The following WHRN variants were observed in gnomAD, a reference collection of about 807,000 sequenced individuals.
WHRN encodes CASK-interacting protein CIP98.
A neutral mutation model predicts 68.3 loss-of-function variants in WHRN; 41 were observed. The observed-to-expected ratio is 0.60, with a 90% confidence interval of 0.47 to 0.78. The LOEUF (loss-of-function observed/expected upper bound fraction) is 0.78, where lower values mean the gene tolerates loss of function less well. Ranked by LOEUF, WHRN falls within the 30% of genes least tolerant of loss-of-function variation. The probability of loss-of-function intolerance (pLI) is 0.00; values close to 1 mark genes in which losing one functional copy is unlikely to be tolerated. For missense variants in WHRN, 1,243 were observed against 1,244.7 expected (o/e 1.00, Z 0.02); for synonymous variants, 560 against 561.3 (o/e 1.00, Z 0.03).
At chr9:114,455,727 A>G (rs1368905956) in intron 3 of WHRN, among the ~76,000 whole-genome samples, 2 of 151,982 alleles carry the variant, frequency 1.3e-5, no homozygotes, top group Non-Finnish European at 2.9e-5. Flanking sequence ...AAAAAAAAAA[A>G]AAAAGAAAAT....
At position 114,499,022 on chromosome 9, in the gene WHRN, C is replaced by T. The variant is rs7027635; in HGVS notation, c.618+5162G>A. Among the ~76,000 whole-genome samples the T allele has an allele frequency of 6.5e-3, 990 of 152,278 alleles. 11 individuals are homozygous for T. Among genetic ancestry groups the T allele is most frequent in the African/African-American group, 0.022 (921 of 41,538 alleles). ...TGACAATGATGTGTCAATGTAGGTT[C>T]ATCAATTGTTGATAATGGGGGCGGC... On this transcript the variant is annotated intron_variant, in intron 1 of 11. Coordinates refer to ENST00000362057, the MANE Select transcript of WHRN (RefSeq NM_015404.4).
intron 2 of WHRN, among the ~76,000 whole-genome samples, chr9:114,468,671 T>TAGTAAGG (rs1162830925): frequency 6.6e-6 from 1 of 151,832 alleles, no homozygotes; most frequent in Non-Finnish European, 1.5e-5. Context: ...ATGACCACAT[T>TAGTAAGG]AGTAAGGAGG....
chr9:114,499,578 T>C (rs978618753), intron 1 of WHRN, among the ~76,000 whole-genome samples: 1 of 152,192 alleles, frequency 6.6e-6, no homozygotes, highest in African/African-American at 2.4e-5. Flanking sequence ...TAATCCCCTA[T>C]GGACGCCTGC....
intron 3 of WHRN, among the ~76,000 whole-genome samples, chr9:114,432,415 G>C (rs1193931093): frequency 6.6e-6 from 1 of 152,232 alleles, no homozygotes; most frequent in African/African-American, 2.4e-5. Context: ...CAAGAGACCT[G>C]AGGAAAATAA....
intron 3 of WHRN, among the ~76,000 whole-genome samples, chr9:114,435,801 AG>A (rs1328992865): frequency 2.6e-5 from 4 of 152,262 alleles, no homozygotes; most frequent in Non-Finnish European, 4.4e-5. Flanking sequence ...CCTCATTTAT[AG>A]TAGCAACAGA....
chr9:114,409,850 C>A (rs1483783899), intron 7 of WHRN, among the ~76,000 whole-genome samples: 1 of 151,954 alleles, frequency 6.6e-6, no homozygotes, highest in African/African-American at 2.4e-5. Context: ...CTTTATTTTT[C>A]TCCTTCTCAT....
chr9:114,494,425 A>G (rs1221903177), intron 1 of WHRN, among the ~76,000 whole-genome samples: 3 of 152,248 alleles, frequency 2.0e-5, no homozygotes, highest in East Asian at 3.8e-4. Flanking sequence ...AGAGAAGGTA[A>G]GTAACTTGTC....
At position 114,426,362 on chromosome 9, in the gene WHRN, G is replaced by C. The variant is rs746526842; in HGVS notation, c.1015C>G (p.His339Asp). The C allele has an allele frequency of 6.2e-7, 1 of 1,614,124 alleles. No homozygotes were observed. The highest frequency in any genetic ancestry group is 1.3e-5 in the African/African-American group (1 of 75,056). The change falls in exon 4 of 12, where the codon CAC (histidine) becomes GAC (aspartate). Residue 339 changes from histidine (H) to aspartate (D), a missense_variant. Coordinates refer to ENST00000362057, the MANE Select transcript of WHRN (RefSeq NM_015404.4). ...TTAAGCAGCCTGACAGCCTCGTCGT[G>C]TAGGATGTTGAGAAAGCTCCGCCCA... ...VNGRSFLNIL[H>D]DEAVRLLKSS... is the part of the protein sequence containing the mutation.
chr9:114,450,553 C>T (rs1839230523), intron 3 of WHRN, among the ~76,000 whole-genome samples: 1 of 152,122 alleles, frequency 6.6e-6, no homozygotes, highest in South Asian at 2.1e-4. Flanking sequence ...GGTTACCTTA[C>T]AAGGTTATAC....
chr9:114,402,460 G>A lies in WHRN; in HGVS notation c.*294C>T. 1 of 460,448 alleles carries A rather than the reference G, an allele frequency of 2.2e-6. No homozygotes were observed. The highest frequency in any genetic ancestry group is 4.3e-5 in the East Asian group (1 of 23,498). The allele number at this position is 460,448 out of a possible 1,614,324, so 28.5% of individuals were successfully genotyped here. On this transcript the variant is annotated 3_prime_UTR_variant, in exon 12 of 12. Transcript: ENST00000362057. ...ACAGCAGTGCCCCCAACCCAACCTG[G>A]AGAAACCAGCACTCTGCCCTTCCTT...
rs2274158 is a variant in WHRN at position 114,403,926 on chromosome 9, G to C, written c.2388C>G (p.Asn796Lys). 2.5e-6 allele frequency: 4 copies of C among 1,610,738 alleles called. No homozygotes were observed. The South Asian group carries it at 4.4e-5, about 18-fold the overall frequency. ...KSRSSKELPRNERPTDGANKP... is the reference protein window; with the variant it reads ...KSRSSKELPRKERPTDGANKP... ...TGTTGGCCCCATCTGTGGGCCTCTC[G>C]TTCCGAGGCAGCTCCTTGCTACTCC... is the stretch of plus-strand genomic sequence containing the variant. Residue 796 changes from asparagine (N) to lysine (K), a missense_variant, in exon 10 of 12, where the codon AAC (asparagine) becomes AAG (lysine). Asn to Lys is a moderately conservative substitution (Grantham distance 94). Transcript: ENST00000362057.
At chr9:114,403,165 A>G in intron 11 of WHRN, 52 bp downstream of exon 11, 1 of 1,611,512 alleles carries the variant, frequency 6.2e-7, no homozygotes, top group Non-Finnish European at 8.5e-7. Context: ...ATGCTGAGAA[A>G]GGGCCTTTCA....
chr9:114,432,582 G>A (rs1837517902), intron 3 of WHRN, among the ~76,000 whole-genome samples: 1 of 152,180 alleles, frequency 6.6e-6, no homozygotes, highest in Non-Finnish European at 1.5e-5. Flanking sequence ...CTTGCTGTAT[G>A]ACCTTGGGTA....
chr9:114,426,799 C>G (rs1836911113), intron 3 of WHRN, among the ~76,000 whole-genome samples: 4 of 152,240 alleles, frequency 2.6e-5, no homozygotes, highest in Admixed American at 1.3e-4. Context: ...TCCTCCTACA[C>G]TTGTACTTTG....
intron 4 of WHRN, chr9:114,425,614 CACACACACACACACACAG>C (rs1432091448): frequency 4.1e-6 from 1 of 245,974 alleles, no homozygotes; most frequent in Non-Finnish European, 7.9e-6. Context: ...CACACACACA[CACACACACACACACACAG>C]AGAGACACAG....
At chr9:114,492,992 G>A (rs772736693) in intron 1 of WHRN, among the ~76,000 whole-genome samples, 17 of 152,122 alleles carry the variant, frequency 1.1e-4, no homozygotes, top group East Asian at 5.8e-4. Flanking sequence ...ACTCCAGCCC[G>A]GGTGACTGAG....
chr9:114,402,833 C>T lies in WHRN; in HGVS notation c.2645G>A (p.Arg882His), dbSNP rs760928525. 9.4e-5 allele frequency: 151 copies of T among 1,613,992 alleles called. 1 individual carries two copies. The highest frequency in any genetic ancestry group is 1.6e-4 in the Middle Eastern group (1 of 6,084). The change falls in exon 12 of 12, where the codon CGC becomes CAC. Residue 882 changes from arginine (R) to histidine (H), a missense_variant. Arg to His is a conservative substitution (Grantham distance 29, BLOSUM62 0). Coordinates refer to ENST00000362057, the MANE Select transcript of WHRN (RefSeq NM_015404.4). ...AGTCTTGAAGGCCTCGGCGATAATG[C>T]GGGCGGCCTCCCGGTGCTCCTTGCC... ...LRGKEHREAA[R>H]IIAEAFKTKD...
chr9:114,471,319 C>G (rs914814317), intron 2 of WHRN, among the ~76,000 whole-genome samples: 5 of 152,228 alleles, frequency 3.3e-5, no homozygotes, highest in African/African-American at 1.2e-4. Context: ...CACTCCTCCT[C>G]TATGGTTTTG....
Position 114,478,604 on chromosome 9 carries a change from C to G in WHRN, c.786G>C (p.Glu262Asp), listed in dbSNP as rs1415623989. The change falls in exon 2 of 12, where the codon GAG (glutamate) becomes GAC (aspartate). Residue 262 changes from glutamate to aspartate, a missense_variant. Glu to Asp is a conservative substitution (Grantham distance 45, BLOSUM62 2). Transcript: ENST00000362057. Reference sequence around the variant, plus strand: ...GGTGCAGGGTGCTCCTCCGGTCACCCTCCTGCTGCCTCAGGGCACCACCGT... The same window carrying G: ...GGTGCAGGGTGCTCCTCCGGTCACCGTCCTGCTGCCTCAGGGCACCACCGT... ...QPHGGALRQQ[E>D]GDRRSTLHLL... The G allele has an allele frequency of 6.2e-7, 1 of 1,614,042 alleles. No homozygotes were observed. The highest frequency in any genetic ancestry group is 2.2e-5 in the East Asian group (1 of 44,874).
Sources: allele counts gnomAD v4.1 joint callset (sites outside exome capture counted in the v4.1 genomes callset), GRCh38; gene constraint gnomAD v4.1.1; transcripts MANE v1.5; gene names NCBI Gene and HGNC (gene_info 2026-07-23, HGNC 2026-07-21).